The following GYPE variants were observed in gnomAD, a reference collection of about 807,000 sequenced individuals.
GYPE encodes glycophorin-E.
GYPE carries 8 observed loss-of-function variants against 11.6 expected under a neutral mutation model. That is an observed-to-expected ratio of 0.69 (90% CI 0.41 to 1.25). The LOEUF is 1.25. Among genes scored for constraint, GYPE ranks in the 50% most tolerant of loss-of-function variants. The probability of loss-of-function intolerance (pLI) is 0.01; values close to 1 mark genes in which losing one functional copy is unlikely to be tolerated. For missense variants in GYPE, 90 were observed against 92.8 expected (o/e 0.97, Z 0.12); for synonymous variants, 28 against 29.6 (o/e 0.94, Z 0.18).
intron 1 of GYPE, among the ~76,000 whole-genome samples, chr4:143,894,130 G>A (rs1032183030): frequency 9.9e-5 from 15 of 151,938 alleles, no homozygotes; most frequent in Admixed American, 7.9e-4. Context: ...CATTATTCAC[G>A]TAGTTCTCGA....
At chr4:143,875,565 C>A in intron 3 of GYPE, 2 of 1,550,180 alleles carry the variant, frequency 1.3e-6, no homozygotes, top group Non-Finnish European at 1.7e-6. Context: ...ATGAGCTACG[C>A]CTCCACTTCA....
At chr4:143,874,911 C>T (rs1222842382) in intron 3 of GYPE, among the ~76,000 whole-genome samples, 1 of 152,194 alleles carries the variant, frequency 6.6e-6, no homozygotes, top group Non-Finnish European at 1.5e-5. Context: ...GGGACCTTAA[C>T]TCCTGGCAGG....
chr4:143,895,059 G>A (rs1038863054), intron 1 of GYPE, among the ~76,000 whole-genome samples: 29 of 152,058 alleles, frequency 1.9e-4, no homozygotes, highest in African/African-American at 6.3e-4. Flanking sequence ...ATACTGAATG[G>A]GCAAAAACTG....
intron 1 of GYPE, among the ~76,000 whole-genome samples, chr4:143,892,297 GTC>G (rs2149912100): frequency 6.6e-6 from 1 of 151,686 alleles, no homozygotes; most frequent in South Asian, 2.1e-4. Flanking sequence ...GGTTTTTTGT[GTC>G]TCTATTTCCT....
At chr4:143,904,187 G>A (rs1436525595) in intron 1 of GYPE, among the ~76,000 whole-genome samples, 1 of 151,704 alleles carries the variant, frequency 6.6e-6, no homozygotes, top group African/African-American at 2.4e-5. Context: ...ACGTAGGTTT[G>A]TTCCCTAGTC....
At chr4:143,894,088 C>G (rs1435676638) in intron 1 of GYPE, among the ~76,000 whole-genome samples, 1 of 152,176 alleles carries the variant, frequency 6.6e-6, no homozygotes, top group Non-Finnish European at 1.5e-5. Context: ...ACCCTTTCTT[C>G]CAGTTGATCA....
At chr4:143,890,065 A>C (rs1466131852) in intron 1 of GYPE, among the ~76,000 whole-genome samples, 1 of 152,238 alleles carries the variant, frequency 6.6e-6, no homozygotes, top group African/African-American at 2.4e-5. Context: ...TTCTCAAGCA[A>C]GCCTTCACTT....
intron 1 of GYPE, among the ~76,000 whole-genome samples, chr4:143,880,730 ATG>A (rs2149906643): frequency 6.6e-6 from 1 of 152,340 alleles, no homozygotes; most frequent in East Asian, 1.9e-4. Flanking sequence ...GAATTTCTGC[ATG>A]GCAGAGGTTT....
At chr4:143,880,047 G>A (rs1350132595) in intron 2 of GYPE, among the ~76,000 whole-genome samples, 3 of 152,184 alleles carry the variant, frequency 2.0e-5, no homozygotes, top group Admixed American at 6.5e-5. Flanking sequence ...AACTCACCCT[G>A]GGTCAGCAGC....
intron 1 of GYPE, 48 bp downstream of exon 1, chr4:143,905,423 G>A (rs777576999): frequency 1.2e-6 from 2 of 1,611,294 alleles, no homozygotes; most frequent in Non-Finnish European, 1.7e-6. Context: ...TTTATTCTAT[G>A]ATCTCATACC....
intron 2 of GYPE, chr4:143,878,778 A>G (rs1408241580): frequency 1.5e-5 from 6 of 402,220 alleles, no homozygotes; most frequent in Admixed American, 3.7e-5. Context: ...TTTCTTAATC[A>G]TATTTTGAGA....
intron 1 of GYPE, among the ~76,000 whole-genome samples, chr4:143,890,046 T>G (rs1009946927): frequency 6.6e-6 from 1 of 152,304 alleles, no homozygotes; most frequent in Non-Finnish European, 1.5e-5. Flanking sequence ...CAAATTATAA[T>G]GCAACCAATT....
At chr4:143,899,457 C>A (rs369775054) in intron 1 of GYPE, among the ~76,000 whole-genome samples, 66 of 151,732 alleles carry the variant, frequency 4.3e-4, no homozygotes, top group Middle Eastern at 3.4e-3. Flanking sequence ...TTTTTTTTTG[C>A]AAGAATGGAA....
intron 1 of GYPE, among the ~76,000 whole-genome samples, chr4:143,898,703 G>T (rs114276055): frequency 0.026 from 4,004 of 151,746 alleles, 146 homozygotes; most frequent in African/African-American, 0.092. Context: ...CACAAGCTAT[G>T]GATTTATATG....
At chr4:143,874,271 A>G (rs1403081262) in intron 3 of GYPE, among the ~76,000 whole-genome samples, 2 of 152,142 alleles carry the variant, frequency 1.3e-5, no homozygotes, top group Non-Finnish European at 2.9e-5. Flanking sequence ...TAAGCTCTAT[A>G]CATATCCTGG....
chr4:143,890,411 T>C (rs888047409), intron 1 of GYPE, among the ~76,000 whole-genome samples: 3 of 152,204 alleles, frequency 2.0e-5, no homozygotes, highest in East Asian at 1.9e-4. Context: ...CTTAAGGAAG[T>C]TGGGCTGAAT....
rs1048117788 is a variant in GYPE, at chr4:143,881,832, A to C, written c.38-1323T>G. 3.9e-5 allele frequency among the ~76,000 whole-genome samples: 6 copies of C among 152,288 alleles called. No homozygotes were observed. In the Middle Eastern group the frequency reaches 0.014, roughly 345 times the overall value. On this transcript the variant is annotated intron_variant, in intron 1 of 3. Transcript: ENST00000358615. ...GAGATATTCAAATGAGGGGAATGGC[A>C]CCCAAGTGCAATGGAGTGGAGGTGG...
intron 1 of GYPE, among the ~76,000 whole-genome samples, chr4:143,899,149 G>A (rs1266312131): frequency 6.1e-5 from 9 of 147,880 alleles, no homozygotes; most frequent in Non-Finnish European, 1.2e-4. Flanking sequence ...AAGACAGACC[G>A]TCAACCTTCA....
intron 3 of GYPE, among the ~76,000 whole-genome samples, chr4:143,872,661 G>A (rs1310873411): frequency 3.3e-5 from 5 of 152,086 alleles, no homozygotes; most frequent in Admixed American, 3.3e-4. Context: ...TCTGCGCTCT[G>A]AGGATACATC....
Sources: allele counts gnomAD v4.1 joint callset (sites outside exome capture counted in the v4.1 genomes callset), GRCh38; gene constraint gnomAD v4.1.1; transcripts MANE v1.5; gene names NCBI Gene and HGNC (gene_info 2026-07-23, HGNC 2026-07-21).